Variants in CSMD1 observed in about 807,000 individuals in gnomAD.
CSMD1 encodes the protein CUB and sushi domain-containing protein 1.
CSMD1 carries 213 observed loss-of-function variants against 417.5 expected under a neutral mutation model. The observed-to-expected ratio is 0.51, with a 90% CI of 0.46 to 0.57. The LOEUF is 0.57. Ranked by LOEUF, CSMD1 falls within the 20% of genes least tolerant of loss-of-function variation. The pLI is 0.00. For missense variants in CSMD1, 6,923 were observed against 4,529.7 expected (o/e 1.53, Z -15.17); for synonymous variants, 2,862 against 1,736.8 (o/e 1.65, Z -16.11).
intron 7 of CSMD1, among the ~76,000 whole-genome samples, chr8:3,685,521 T>C (rs1799901641): frequency 6.6e-6 from 1 of 152,156 alleles, no homozygotes; most frequent in Non-Finnish European, 1.5e-5. Flanking sequence ...CCTACTAAAA[T>C]TAGGGGTTTA....
intron 51 of CSMD1, among the ~76,000 whole-genome samples, chr8:3,027,327 C>A (rs1238738607): frequency 2.0e-5 from 3 of 152,048 alleles, no homozygotes; most frequent in Non-Finnish European, 1.5e-5. Context: ...GATACCAGGG[C>A]TTTTTGGAGA....
intron 65 of CSMD1, 37 bp downstream of exon 65, chr8:2,954,183 CTTTA>C: frequency 3.2e-6 from 4 of 1,233,588 alleles, no homozygotes; most frequent in Non-Finnish European, 4.5e-6. Flanking sequence ...GAACAAATCA[CTTTA>C]TTGGATTGAA....
intron 2 of CSMD1, among the ~76,000 whole-genome samples, chr8:4,429,996 T>G (rs1299765952): frequency 1.3e-5 from 2 of 152,006 alleles, no homozygotes; most frequent in Admixed American, 1.3e-4. Flanking sequence ...GAAGATGAGG[T>G]CTCCTTAAGT....
intron 42 of CSMD1, among the ~76,000 whole-genome samples, chr8:3,115,176 A>G (rs545222831): frequency 6.7e-5 from 10 of 149,796 alleles, no homozygotes; most frequent in African/African-American, 2.4e-4. Context: ...CTACTTAATC[A>G]TATTTTAACA....
At chr8:4,708,173 T>C (rs1241472803) in intron 1 of CSMD1, among the ~76,000 whole-genome samples, 1 of 152,114 alleles carries the variant, frequency 6.6e-6, no homozygotes, top group Non-Finnish European at 1.5e-5. Context: ...CAGGCTGGTC[T>C]GAATCTCCAC....
At chr8:4,803,950 G>A (rs1272471694) in intron 1 of CSMD1, among the ~76,000 whole-genome samples, 1 of 152,288 alleles carries the variant, frequency 6.6e-6, no homozygotes, top group South Asian at 2.1e-4. Flanking sequence ...ATTCATGCAA[G>A]ACAAGTCTTT....
intron 2 of CSMD1, among the ~76,000 whole-genome samples, chr8:4,463,747 T>A (rs1799983213): frequency 6.6e-6 from 1 of 152,176 alleles, no homozygotes; most frequent in South Asian, 2.1e-4. Context: ...GCCGTGGGGC[T>A]GAGGGAAAAT....
At chr8:4,941,537 A>C (rs571232703) in intron 1 of CSMD1, among the ~76,000 whole-genome samples, 1 of 152,258 alleles carries the variant, frequency 6.6e-6, no homozygotes, top group African/African-American at 2.4e-5. Flanking sequence ...TTTCTTCTGC[A>C]GTCTTTGTCA....
intron 1 of CSMD1, among the ~76,000 whole-genome samples, chr8:4,763,705 AT>A (rs1812267910): frequency 1.3e-5 from 2 of 152,336 alleles, no homozygotes; most frequent in Middle Eastern, 3.4e-3. Context: ...GAAGTATATT[AT>A]TAAGCAGAAA....
intron 3 of CSMD1, among the ~76,000 whole-genome samples, chr8:4,227,528 C>G (rs1801432785): frequency 6.6e-6 from 1 of 152,038 alleles, no homozygotes; most frequent in Non-Finnish European, 1.5e-5. Flanking sequence ...ACATTATAGA[C>G]CTAACTGAGA....
chr8:3,838,592 C>G (rs1172750155), intron 5 of CSMD1, among the ~76,000 whole-genome samples: 1 of 134,154 alleles, frequency 7.5e-6, no homozygotes, highest in Non-Finnish European at 1.5e-5. Context: ...TATAGTCCCT[C>G]TCTATATAAA....
intron 4 of CSMD1, among the ~76,000 whole-genome samples, chr8:4,026,822 G>A (rs920005789): frequency 2.0e-5 from 3 of 152,202 alleles, no homozygotes; most frequent in African/African-American, 4.8e-5. Context: ...GCTGTAGGGA[G>A]ATGACAGGGA....
chr8:4,824,787 T>C (rs780941276), intron 1 of CSMD1, among the ~76,000 whole-genome samples: 4 of 152,280 alleles, frequency 2.6e-5, no homozygotes, highest in Non-Finnish European at 5.9e-5. Flanking sequence ...TAATAATTAG[T>C]ATTTTAATGT....
intron 1 of CSMD1, among the ~76,000 whole-genome samples, chr8:4,920,508 T>C (rs1806363920): frequency 6.6e-6 from 1 of 152,138 alleles, no homozygotes; most frequent in African/African-American, 2.4e-5. Context: ...ATTTAGTTAC[T>C]GGGGACCTGT....
chr8:3,527,835 G>T (rs985275415), intron 10 of CSMD1, among the ~76,000 whole-genome samples: 1 of 152,186 alleles, frequency 6.6e-6, no homozygotes, highest in Non-Finnish European at 1.5e-5. Context: ...CAGTAGATGT[G>T]CATCTCTTAA....
chr8:3,246,886 G>A (rs1346875231), intron 26 of CSMD1, among the ~76,000 whole-genome samples: 1 of 152,170 alleles, frequency 6.6e-6, no homozygotes, highest in Non-Finnish European at 1.5e-5. Flanking sequence ...TTTGGAATTA[G>A]AGTTCCAATT....
intron 26 of CSMD1, chr8:3,278,584 A>T (rs145119223): frequency 2.0e-5 from 3 of 152,120 alleles, no homozygotes; most frequent in East Asian, 3.8e-4. Flanking sequence ...ACTAATTCCA[A>T]TGTTTTAAAT....
Position 3,708,618 on chromosome 8 carries a change from AGGT to A in CSMD1, c.932-130_932-128del, listed in dbSNP as rs1164028649. 4 of 727,856 alleles carry A rather than the reference AGGT, an allele frequency of 5.5e-6. No homozygotes were observed. In the African/African-American group the frequency reaches 7.0e-5, roughly 13 times the overall value. 45.1% of individuals were successfully genotyped at this position (727,856 alleles called of 1,614,324 possible). A position where few individuals can be genotyped will look rare whatever the true frequency, so the allele number is the denominator to read the frequency against. On this transcript the variant is annotated intron_variant, in intron 6 of 69. Transcript: ENST00000635120. ...CCCCGAAAATGGGAAATGTTCTAAG[AGGT>A]GAATGATACCAAGTCAATGAAGTCA...
chr8:3,439,281 G>GTGTGTATATATATATATATATATA (rs1407744154), intron 12 of CSMD1, among the ~76,000 whole-genome samples: 112 of 54,274 alleles, frequency 2.1e-3, no homozygotes, highest in Non-Finnish European at 2.4e-3. Context: ...GGCAATGTCA[G>GTGTGTATATATATATATATATATA]TATATATATA....
Sources: gnomAD v4.1 joint callset for allele counts (sites outside exome capture counted in the v4.1 genomes callset) on GRCh38, gnomAD v4.1.1 for gene constraint, MANE v1.5 for transcripts, NCBI Gene and HGNC (gene_info 2026-07-23, HGNC 2026-07-21) for gene names.